The following INPP5D variants were observed in gnomAD, a reference collection of about 807,000 sequenced individuals.
The protein encoded by INPP5D is phosphatidylinositol 3,4,5-trisphosphate 5-phosphatase 1.
Under a neutral mutation model 122.9 loss-of-function variants are expected in INPP5D, and 33 were observed. The observed-to-expected ratio is 0.27, with a 90% CI of 0.20 to 0.36. The LOEUF is 0.36. Ranked by LOEUF, INPP5D falls within the 10% of genes least tolerant of loss-of-function variation. The pLI, the probability that INPP5D is intolerant of heterozygous loss-of-function variation, is 1.00. For missense variants in INPP5D, 1,053 were observed against 1,412.7 expected (o/e 0.75, Z 4.08); for synonymous variants, 584 against 576.2 (o/e 1.01, Z -0.19).
At chr2:233,199,185 C>T (rs1695265269) in intron 25 of INPP5D, among the ~76,000 whole-genome samples, 1 of 151,804 alleles carries the variant, frequency 6.6e-6, no homozygotes, top group African/African-American at 2.4e-5. Context: ...TTGCAGTGAG[C>T]CAAGATTGCA....
At chr2:233,080,870 T>C (rs1480883087) in intron 2 of INPP5D, among the ~76,000 whole-genome samples, 2 of 152,120 alleles carry the variant, frequency 1.3e-5, no homozygotes, top group Non-Finnish European at 2.9e-5. Flanking sequence ...AGCGATGTGA[T>C]TGAGAGAGGC....
intron 1 of INPP5D, among the ~76,000 whole-genome samples, chr2:233,072,259 C>A (rs925370868): frequency 1.2e-4 from 18 of 152,036 alleles, no homozygotes; most frequent in African/African-American, 4.4e-4. Context: ...TTATCAAATG[C>A]CTTTTTAATA....
At chr2:233,155,883 G>A (rs1297133162) in intron 9 of INPP5D, among the ~76,000 whole-genome samples, 1 of 152,094 alleles carries the variant, frequency 6.6e-6, no homozygotes, top group African/African-American at 2.4e-5. Flanking sequence ...TCCTAAAAAT[G>A]TTCAGAGCAA....
intron 25 of INPP5D, among the ~76,000 whole-genome samples, chr2:233,201,719 G>A (rs1695345341): frequency 6.6e-6 from 1 of 152,212 alleles, no homozygotes; most frequent in Admixed American, 6.5e-5. Flanking sequence ...GCGTAAGCAA[G>A]GACAACTGGT....
At chr2:233,080,076 C>T (rs530002177) in intron 2 of INPP5D, among the ~76,000 whole-genome samples, 2 of 152,216 alleles carry the variant, frequency 1.3e-5, no homozygotes, top group African/African-American at 4.8e-5. Context: ...ATTATAGGTG[C>T]CCGCCACCAT....
In INPP5D at chr2:233,128,230, G is replaced by A. The variant is rs545344925; in HGVS notation, c.525-2278G>A. The stretch of plus-strand genomic sequence containing the variant: ...ACGCCTGATGATCTGAGATGGAGCA[G>A]TTTCCTCCCACAACCATCCCCCCAC... On this transcript the variant is annotated intron_variant, in intron 4 of 26. Transcript: ENST00000445964. This position sits in a 1 kb window ranked among gnomAD's most constrained non-coding sequence, Gnocchi z 4.5. 1.3e-5 allele frequency among the ~76,000 whole-genome samples: 2 copies of A among 152,252 alleles called. No homozygotes were observed. The highest frequency in any genetic ancestry group is 2.1e-4 in the South Asian group (1 of 4,822).
intron 5 of INPP5D, among the ~76,000 whole-genome samples, chr2:233,137,897 T>TACACAC (rs796742030): frequency 2.9e-4 from 13 of 44,538 alleles, no homozygotes; most frequent in African/African-American, 9.4e-4. Flanking sequence ...TATATATATA[T>TACACAC]ACACACACAC....
At chr2:233,193,724 C>T (rs935198412) in intron 22 of INPP5D, 88 bp from the exon 23 acceptor site, 26 of 1,604,754 alleles carry the variant, frequency 1.6e-5, no homozygotes, top group East Asian at 4.5e-5. Context: ...GCTATAGTTT[C>T]AAAGGACCAA....
intron 9 of INPP5D, among the ~76,000 whole-genome samples, chr2:233,148,947 T>C (rs1244599500): frequency 6.6e-6 from 1 of 152,156 alleles, no homozygotes; most frequent in Non-Finnish European, 1.5e-5. Context: ...CCAGTAAAAT[T>C]TGAATTTCAG....
At chr2:233,150,244 A>G (rs547168239) in intron 9 of INPP5D, among the ~76,000 whole-genome samples, 1 of 152,236 alleles carries the variant, frequency 6.6e-6, no homozygotes, top group South Asian at 2.1e-4. Context: ...CACTGGGATG[A>G]GTTTTTCCCA....
intron 2 of INPP5D, among the ~76,000 whole-genome samples, chr2:233,107,497 G>T (rs1692499514): frequency 6.6e-6 from 1 of 152,206 alleles, no homozygotes; most frequent in Non-Finnish European, 1.5e-5. Flanking sequence ...TGAACTCAGA[G>T]AAAGGGGTGA....
chr2:233,109,714 G>T (rs1221808714), intron 2 of INPP5D, among the ~76,000 whole-genome samples: 1 of 151,672 alleles, frequency 6.6e-6, no homozygotes, highest in Non-Finnish European at 1.5e-5. Context: ...GAGTAGCTGG[G>T]ATTACAGGCG....
In INPP5D at chr2:233,204,611, A is replaced by T. The variant is rs763156019; in HGVS notation, c.3461A>T (p.Gln1154Leu). ...AAGAGCCCGGCGGTGCTGCACCTCC[A>T]GCACTCCAAGGGCCGCGACTACCGC... ...PVKSPAVLHL[Q>L]HSKGRDYRDN... The change falls in exon 26 of 27, where the codon CAG (glutamine) becomes CTG (leucine). Residue 1154 changes from glutamine to leucine, a missense_variant. Transcript: ENST00000445964. 1.0e-5 allele frequency: 16 copies of T among 1,575,724 alleles called. No individual in the cohort carries two copies. The East Asian group carries it at 2.6e-4, about 26-fold the overall frequency.
In INPP5D at chr2:233,129,611, C is replaced by T. The variant is rs957953310; in HGVS notation, c.525-897C>T. On this transcript the variant is annotated intron_variant, in intron 4 of 26. Coordinates refer to ENST00000445964, the MANE Select transcript of INPP5D (RefSeq NM_001017915.3). ...TGAAGGGGTTGGAGCAGATTCCACA[C>T]GGCAAAGTCGGCCACTTGCACTACC... Among the ~76,000 whole-genome samples the T allele has an allele frequency of 9.2e-5, 14 of 152,286 alleles. No homozygotes were observed. In the South Asian group the frequency reaches 1.0e-3, roughly 11 times the overall value.
At chr2:233,179,260 C>T (rs76190789) in intron 18 of INPP5D, among the ~76,000 whole-genome samples, 6,359 of 152,284 alleles carry the variant, frequency 0.042, 203 homozygotes, top group East Asian at 0.18. Flanking sequence ...CCCTGCCACC[C>T]GTCGGACTCT....
intron 10 of INPP5D, 131 bp from the exon 11 acceptor site, chr2:233,161,593 G>C: frequency 7.8e-7 from 1 of 1,289,228 alleles, no homozygotes; most frequent in Non-Finnish European, 1.0e-6. Flanking sequence ...CATGTTTCCA[G>C]GTTGCTGTCC....
Position 233,188,649 on chromosome 2 carries a change from C to T in INPP5D, c.2359-1201C>T, listed in dbSNP as rs1694977391. 6.6e-6 allele frequency among the ~76,000 whole-genome samples: 1 copy of T among 152,182 alleles called. No homozygotes were observed. The highest frequency in any genetic ancestry group is 1.5e-5 in the Non-Finnish European group (1 of 68,030). On this transcript the variant is annotated intron_variant, in intron 21 of 26. Transcript: ENST00000445964. This position sits in a 1 kb window ranked among gnomAD's most constrained non-coding sequence, Gnocchi z 4.7. ...CCATCTCGGCTCACTGCAACCTCCG[C>T]CTCCAAGGTTCAAGCGATTTGCCTG... is the stretch of plus-strand genomic sequence containing the variant.
chr2:233,182,381 T>C, intron 18 of INPP5D, 29 bp from the exon 19 acceptor site: 1 of 1,612,612 alleles, frequency 6.2e-7, no homozygotes, highest in Non-Finnish European at 8.5e-7. Context: ...TCTCCTTCCC[T>C]GCTTAAAAAT....
intron 4 of INPP5D, 65 bp from the exon 5 acceptor site, chr2:233,130,443 C>G (rs369348674): frequency 1.3e-6 from 2 of 1,546,548 alleles, no homozygotes; most frequent in South Asian, 1.2e-5. Context: ...GGTTGCTGTT[C>G]CCATTGGTGA....
Sources: allele counts gnomAD v4.1 joint callset (sites outside exome capture counted in the v4.1 genomes callset), GRCh38; gene constraint gnomAD v4.1.1; non-coding constraint Gnocchi (gnomAD v3.1); transcripts MANE v1.5; gene names NCBI Gene and HGNC (gene_info 2026-07-23, HGNC 2026-07-21).